Variants in SPHKAP observed in about 807,000 individuals in gnomAD.
SPHKAP encodes SPHK1 interactor, AKAP domain containing.
Under a neutral mutation model 137.5 loss-of-function variants are expected in SPHKAP, and 67 were observed. That is an observed-to-expected ratio of 0.49 (90% CI 0.40 to 0.60). The LOEUF (loss-of-function observed/expected upper bound fraction) is 0.60. Among genes scored for constraint, SPHKAP ranks in the 20% least tolerant of loss-of-function variants. The probability of loss-of-function intolerance (pLI) is 0.00; values close to 1 mark genes in which losing one functional copy is unlikely to be tolerated. For missense variants in SPHKAP, 2,097 were observed against 2,069.3 expected, an observed-to-expected ratio of 1.01 and a Z score of -0.26; for synonymous variants, 813 against 785.3, an observed-to-expected ratio of 1.04 and a Z score of -0.59.
At position 228,063,671 on chromosome 2, in the gene SPHKAP, G is replaced by A. The variant is rs10172127; in HGVS notation, c.247-36128C>T. Among the ~76,000 whole-genome samples, 1,163 of 152,256 alleles carry A rather than the reference G, an allele frequency of 7.6e-3. 8 individuals are homozygous for A. The highest frequency in any genetic ancestry group is 0.02 in the Middle Eastern group (6 of 294). ...GCTGAGTAAACTGGATGTGAAACAC[G>A]ACAGAGTTTAGGTGGCTTTGTTATG... is the stretch of plus-strand genomic sequence containing the variant. On this transcript the variant is annotated intron_variant, in intron 3 of 11. Coordinates refer to ENST00000392056, the MANE Select transcript of SPHKAP (RefSeq NM_001142644.2).
intron 2 of SPHKAP, among the ~76,000 whole-genome samples, chr2:228,125,884 C>G (rs1699061772): frequency 2.0e-5 from 3 of 152,172 alleles, no homozygotes; most frequent in Admixed American, 1.3e-4. Context: ...CGAGAACAGC[C>G]TGGCCAACAT....
chr2:228,025,192 G>A (rs1694987970), intron 5 of SPHKAP, among the ~76,000 whole-genome samples: 1 of 152,196 alleles, frequency 6.6e-6, no homozygotes, highest in African/African-American at 2.4e-5. Context: ...TAGAAATTAG[G>A]AGTTGATGTA....
Position 228,017,494 on chromosome 2 carries a change from C to T in SPHKAP, c.3360G>A (p.Ser1120=), listed in dbSNP as rs1018412133. 12 of 1,613,256 alleles carry T rather than the reference C, an allele frequency of 7.4e-6. No homozygotes were observed. Among genetic ancestry groups the T allele is most frequent in the African/African-American group, 6.7e-5 (5 of 74,898 alleles). The change falls in exon 7 of 12, where the codon TCG becomes TCA. Residue 1120 remains serine, a synonymous_variant. Coordinates refer to ENST00000392056, the MANE Select transcript of SPHKAP (RefSeq NM_001142644.2). ...VSRASSVSKQ[S]SCESITDEFS... ...ACTCATCGGTGATGCTCTCACAGCTCGACTGCTTGGAGACAGAGCTGGCCC... is the reference window on the plus strand; with the variant it reads ...ACTCATCGGTGATGCTCTCACAGCTTGACTGCTTGGAGACAGAGCTGGCCC...
intron 1 of SPHKAP, among the ~76,000 whole-genome samples, chr2:228,175,960 G>C (rs145308334): frequency 4.5e-4 from 69 of 152,284 alleles, no homozygotes; most frequent in Non-Finnish European, 4.7e-4. Context: ...ATTTAGAGGA[G>C]TTCATTCAGC....
chr2:228,004,712 C>G (rs570725655), intron 7 of SPHKAP, among the ~76,000 whole-genome samples: 17 of 152,244 alleles, frequency 1.1e-4, no homozygotes, highest in Non-Finnish European at 2.2e-4. Context: ...AAATTTTCCT[C>G]TACACACTGC....
At position 228,181,174 on chromosome 2, in the gene SPHKAP, G is replaced by T. The variant is rs375262451; in HGVS notation, c.32+393C>A. Among the ~76,000 whole-genome samples the T allele has an allele frequency of 2.6e-5, 4 of 152,136 alleles. No homozygotes were observed. The East Asian group carries it at 7.7e-4, about 29-fold the overall frequency. On this transcript the variant is annotated intron_variant, in intron 1 of 11. Transcript: ENST00000392056. The surrounding 1 kb of genome is among the most constrained non-coding windows in gnomAD (Gnocchi z 4.3). The stretch of plus-strand genomic sequence containing the variant: ...AAGCGGGGGTACTTTGCCCTAGCCC[G>T]GTTCCCTCCTGTTTTAGACCTTGGA...
At chr2:228,119,715 A>C (rs1395514199) in intron 2 of SPHKAP, among the ~76,000 whole-genome samples, 6 of 152,130 alleles carry the variant, frequency 3.9e-5, no homozygotes, top group Admixed American at 3.9e-4. Context: ...ATGGAAATAA[A>C]ATTATTGTGT....
intron 1 of SPHKAP, among the ~76,000 whole-genome samples, chr2:228,176,169 G>A (rs531039983): frequency 2.6e-5 from 4 of 152,286 alleles, no homozygotes; most frequent in African/African-American, 7.2e-5. Context: ...CTTAATTACC[G>A]TGCTATCTTC....
chr2:228,014,518 G>A (rs1182303708), intron 7 of SPHKAP, among the ~76,000 whole-genome samples: 2 of 152,076 alleles, frequency 1.3e-5, no homozygotes, highest in Non-Finnish European at 2.9e-5. Context: ...GTGTTCTTTT[G>A]CTTTTACGTT....
chr2:227,993,305 G>A (rs1170522778), intron 9 of SPHKAP, among the ~76,000 whole-genome samples: 1 of 152,180 alleles, frequency 6.6e-6, no homozygotes, highest in Non-Finnish European at 1.5e-5. Context: ...ATATTGATAA[G>A]TTTTATCTGA....
At chr2:228,118,555 T>G (rs1464527182) in intron 2 of SPHKAP, among the ~76,000 whole-genome samples, 1 of 152,134 alleles carries the variant, frequency 6.6e-6, no homozygotes, top group East Asian at 1.9e-4. Flanking sequence ...TTTACATTTA[T>G]TTTAGTAATT....
At chr2:228,107,003 A>G (rs1698361217) in intron 3 of SPHKAP, among the ~76,000 whole-genome samples, 1 of 152,194 alleles carries the variant, frequency 6.6e-6, no homozygotes, top group Admixed American at 6.5e-5. Flanking sequence ...ATTTTGAAAT[A>G]TACAGTGTAT....
Position 228,016,779 on chromosome 2 carries a change from C to T in SPHKAP, c.4075G>A (p.Gly1359Arg). The T allele has an allele frequency of 1.2e-6, 2 of 1,614,000 alleles. No homozygotes were observed. Among genetic ancestry groups the T allele is most frequent in the Non-Finnish European group, 1.7e-6 (2 of 1,179,998 alleles). The change falls in exon 7 of 12, where the codon GGG becomes AGG. Residue 1359 changes from glycine to arginine, a missense_variant. Coordinates refer to ENST00000392056, the MANE Select transcript of SPHKAP (RefSeq NM_001142644.2). The stretch of plus-strand genomic sequence containing the variant: ...GACTCCTGAACAAGCAGAGTTGGCC[C>T]ACTGCACATCCTGCTCGCAGCTAAT... ...NRLAASRMCS[G>R]PTLLVQESLD...
At chr2:228,063,089 T>C (rs529307486) in intron 3 of SPHKAP, among the ~76,000 whole-genome samples, 7 of 152,152 alleles carry the variant, frequency 4.6e-5, no homozygotes, top group Non-Finnish European at 7.4e-5. Flanking sequence ...GATTTTACTA[T>C]TTAATTTATA....
chr2:228,061,182 A>G (rs6760875), intron 3 of SPHKAP, among the ~76,000 whole-genome samples: 102,010 of 152,138 alleles, frequency 0.67, 34,524 homozygotes, highest in African/African-American at 0.78. Context: ...CTAGACAAGT[A>G]TACGTGAGGG....
chr2:228,048,033 G>A (rs192643031), intron 3 of SPHKAP, among the ~76,000 whole-genome samples: 1 of 152,242 alleles, frequency 6.6e-6, no homozygotes, highest in East Asian at 1.9e-4. Context: ...AAATACTGGG[G>A]AGTGACAGAA....
intron 2 of SPHKAP, among the ~76,000 whole-genome samples, chr2:228,129,173 G>T (rs938162635): frequency 6.6e-6 from 1 of 152,222 alleles, no homozygotes; most frequent in East Asian, 1.9e-4. Context: ...CACCACAATA[G>T]ATATAATAAT....
At chr2:228,137,057 G>T (rs1026713254) in intron 1 of SPHKAP, among the ~76,000 whole-genome samples, 3 of 151,808 alleles carry the variant, frequency 2.0e-5, no homozygotes, top group African/African-American at 7.3e-5. Flanking sequence ...ACACACTTAC[G>T]CTCCTGCCTC....
At chr2:228,099,271 C>T (rs1046582037) in intron 3 of SPHKAP, among the ~76,000 whole-genome samples, 2 of 152,144 alleles carry the variant, frequency 1.3e-5, no homozygotes, top group Admixed American at 6.5e-5. Context: ...TACCCTGCAT[C>T]ATTTATTGAA....
Sources: allele counts gnomAD v4.1 joint callset (sites outside exome capture counted in the v4.1 genomes callset), GRCh38; gene constraint gnomAD v4.1.1; non-coding constraint Gnocchi (gnomAD v3.1); transcripts MANE v1.5; gene names NCBI Gene and HGNC (gene_info 2026-07-23, HGNC 2026-07-21).